Variants in CCM2 observed in about 807,000 individuals in gnomAD.
CCM2 encodes cerebral cavernous malformations 2 protein.
Under a neutral mutation model 44.9 loss-of-function variants are expected in CCM2, and 25 were observed. That is an observed-to-expected ratio of 0.56 (90% CI 0.41 to 0.78). The LOEUF is 0.78. CCM2 is among the 30% of genes least tolerant of loss of function. CCM2 has a pLI of 0.00. For missense variants in CCM2, 481 were observed against 580.6 expected (o/e 0.83, Z 1.76); for synonymous variants, 219 against 241.1 (o/e 0.91, Z 0.85).
intron 1 of CCM2, among the ~76,000 whole-genome samples, chr7:45,000,653 C>T (rs1795572098): frequency 1.3e-5 from 2 of 152,200 alleles, no homozygotes; most frequent in African/African-American, 2.4e-5. Context: ...GGAAGTGGGC[C>T]CGGCGAGGGG....
chr7:45,027,090 A>G (rs548950103), intron 1 of CCM2: 5 of 159,856 alleles, frequency 3.1e-5, no homozygotes, highest in Admixed American at 5.8e-5. Context: ...CAAACTCATG[A>G]GTCCTGGAGG....
intron 2 of CCM2, among the ~76,000 whole-genome samples, chr7:45,046,538 G>A (rs933888893): frequency 6.6e-6 from 1 of 152,214 alleles, no homozygotes; most frequent in Non-Finnish European, 1.5e-5. Flanking sequence ...GGAGCAGTTG[G>A]ACATTTGTAG....
At position 45,000,413 on chromosome 7, in the gene CCM2, T is replaced by C. The variant is rs1342928326; in HGVS notation, c.30+50T>C. 4 of 574,254 alleles carry C rather than the reference T, an allele frequency of 7.0e-6. No homozygotes were observed. The East Asian group carries it at 2.2e-4, about 32-fold the overall frequency. The allele number at this position is 574,254 out of a possible 1,614,324, so 35.6% of individuals were successfully genotyped here. A position where few individuals can be genotyped will look rare whatever the true frequency, so the allele number is the denominator to read the frequency against. On this transcript the variant is annotated intron_variant, in intron 1 of 9. Transcript: ENST00000258781. ...CTGCTGTGGTCGGCGGGCGGCTGGG[T>C]TGAGGGGCCAGGGTGGGGTGGGCGG... is the stretch of plus-strand genomic sequence containing the variant.
intron 2 of CCM2, among the ~76,000 whole-genome samples, chr7:45,043,471 A>G (rs1269924067): frequency 6.6e-6 from 1 of 152,190 alleles, no homozygotes; most frequent in East Asian, 1.9e-4. Flanking sequence ...TACACCGTGA[A>G]CAAGTGGAGT....
At chr7:45,016,726 A>G (rs1473277227) in intron 1 of CCM2, among the ~76,000 whole-genome samples, 49 of 130,246 alleles carry the variant, frequency 3.8e-4, no homozygotes, top group East Asian at 1.2e-3. Context: ...TCCGCCTCCC[A>G]GGTTCAAGCG....
At chr7:45,005,057 C>G (rs140281884) in intron 1 of CCM2, among the ~76,000 whole-genome samples, 1 of 151,324 alleles carries the variant, frequency 6.6e-6, no homozygotes, top group Admixed American at 6.6e-5. Flanking sequence ...CTGTCACAAG[C>G]CATACTTGGG....
At chr7:45,017,365 T>G (rs1033849364) in intron 1 of CCM2, among the ~76,000 whole-genome samples, 2 of 152,208 alleles carry the variant, frequency 1.3e-5, no homozygotes, top group Non-Finnish European at 2.9e-5. Flanking sequence ...GCTGGTGGTC[T>G]TCTTGTCAGG....
chr7:45,008,422 C>CG (rs1562855813), intron 1 of CCM2, among the ~76,000 whole-genome samples: 1 of 141,070 alleles, frequency 7.1e-6, no homozygotes, highest in Non-Finnish European at 1.5e-5. Flanking sequence ...AGTGCAGTGG[C>CG]GCGATCTCGG....
At chr7:45,035,315 AC>A (rs1797163708) in intron 1 of CCM2, among the ~76,000 whole-genome samples, 1 of 152,222 alleles carries the variant, frequency 6.6e-6, no homozygotes, top group African/African-American at 2.4e-5. Context: ...TTAAAAAAAT[AC>A]AGAGAAAAGT....
At chr7:45,009,680 A>G (rs1032841863) in intron 1 of CCM2, among the ~76,000 whole-genome samples, 19 of 151,716 alleles carry the variant, frequency 1.3e-4, no homozygotes, top group African/African-American at 4.6e-4. Flanking sequence ...CTGGGATTAC[A>G]CTCATGAGCC....
At chr7:45,038,140 C>G (rs2128729016) in intron 1 of CCM2, 113 bp from the exon 2 acceptor site, 1 of 1,255,420 alleles carries the variant, frequency 8.0e-7, no homozygotes, top group East Asian at 2.3e-5. Flanking sequence ...TCAGTGATCC[C>G]TGTTGCATGG....
At chr7:45,040,973 G>A (rs576658733) in intron 2 of CCM2, among the ~76,000 whole-genome samples, 57 of 152,326 alleles carry the variant, frequency 3.7e-4, no homozygotes, top group Middle Eastern at 6.8e-3. Flanking sequence ...CTAGGCGACA[G>A]CGTGAGACGC....
intron 1 of CCM2, among the ~76,000 whole-genome samples, chr7:45,032,964 C>T (rs916134340): frequency 1.7e-4 from 22 of 131,630 alleles, no homozygotes; most frequent in Admixed American, 9.1e-4. Flanking sequence ...TTGCTTGAAC[C>T]GGGGAGGCAG....
intron 2 of CCM2, among the ~76,000 whole-genome samples, chr7:45,046,824 T>TA (rs1797777525): frequency 6.6e-6 from 1 of 152,186 alleles, no homozygotes; most frequent in South Asian, 2.1e-4. Flanking sequence ...TTAAACCACA[T>TA]ATCTGACAGA....
At chr7:45,055,587 G>A (rs1242965162) in intron 2 of CCM2, among the ~76,000 whole-genome samples, 1 of 152,140 alleles carries the variant, frequency 6.6e-6, no homozygotes, top group Non-Finnish European at 1.5e-5. Context: ...TATTTGGGAG[G>A]CTGAGGCAGA....
intron 2 of CCM2, among the ~76,000 whole-genome samples, chr7:45,049,223 A>G: frequency 6.6e-6 from 1 of 152,160 alleles, no homozygotes; most frequent in East Asian, 1.9e-4. Flanking sequence ...TCTCAAAGTG[A>G]TAGATTACAA....
chr7:45,046,001 C>T (rs967530301), intron 2 of CCM2, among the ~76,000 whole-genome samples: 1 of 152,136 alleles, frequency 6.6e-6, no homozygotes, highest in Non-Finnish European at 1.5e-5. Context: ...AGTGGAGAGA[C>T]ACACTGAATT....
intron 2 of CCM2, among the ~76,000 whole-genome samples, chr7:45,058,540 A>T (rs866873074): frequency 7.2e-6 from 1 of 138,030 alleles, no homozygotes; most frequent in African/African-American, 2.8e-5. Context: ...TCATTGTTCA[A>T]TTCCCACCTA....
intron 1 of CCM2, among the ~76,000 whole-genome samples, chr7:45,020,104 CT>C (rs1796426081): frequency 6.6e-6 from 1 of 152,006 alleles, no homozygotes; most frequent in Non-Finnish European, 1.5e-5. Flanking sequence ...AAAATTGCAG[CT>C]TTTTTTTCTC....
Sources: allele counts gnomAD v4.1 joint callset (sites outside exome capture counted in the v4.1 genomes callset), GRCh38; gene constraint gnomAD v4.1.1; transcripts MANE v1.5; gene names NCBI Gene and HGNC (gene_info 2026-07-23, HGNC 2026-07-21).